ERGIC1: variants seen among roughly 807,000 people sequenced by gnomAD.
ERGIC1 encodes the protein endoplasmic reticulum-golgi intermediate compartment 1.
A neutral mutation model predicts 38.3 loss-of-function variants in ERGIC1; 19 were observed. That is an observed-to-expected ratio of 0.50 (90% CI 0.35 to 0.73). The LOEUF (loss-of-function observed/expected upper bound fraction) is 0.73, where lower values mean the gene tolerates loss of function less well. ERGIC1 is among the 30% of genes least tolerant of loss of function. The pLI, the probability that ERGIC1 is intolerant of heterozygous loss-of-function variation, is 0.01. For synonymous variants in ERGIC1, 124 were observed against 157.6 expected (o/e 0.79, Z 1.60); for missense variants, 294 against 389.2 (o/e 0.76, Z 2.06).
intron 5 of ERGIC1, among the ~76,000 whole-genome samples, chr5:172,919,044 C>T (rs1376852278): frequency 2.6e-5 from 4 of 152,180 alleles, no homozygotes; most frequent in East Asian, 1.9e-4. Flanking sequence ...ATCCACCTCA[C>T]GCCTGGCTCT....
At chr5:172,835,165 C>T (rs78276478) in intron 1 of ERGIC1, among the ~76,000 whole-genome samples, 4,514 of 152,264 alleles carry the variant, frequency 0.03, 112 homozygotes, top group African/African-American at 0.067. Context: ...AAGAGATCTC[C>T]ACCAGAGGTT....
At chr5:172,924,916 G>C (rs1763616027) in intron 6 of ERGIC1, among the ~76,000 whole-genome samples, 1 of 152,142 alleles carries the variant, frequency 6.6e-6, no homozygotes, top group African/African-American at 2.4e-5. Context: ...GGAGCTTCCA[G>C]TCTAGGGGGG....
At chr5:172,861,428 C>A (rs547123900) in intron 1 of ERGIC1, among the ~76,000 whole-genome samples, 1 of 152,324 alleles carries the variant, frequency 6.6e-6, no homozygotes, top group East Asian at 1.9e-4. Flanking sequence ...ATGGGAACCT[C>A]GGTTCCTCAG....
At chr5:172,836,535 C>T (rs539455153) in intron 1 of ERGIC1, among the ~76,000 whole-genome samples, 3 of 152,324 alleles carry the variant, frequency 2.0e-5, no homozygotes, top group South Asian at 4.1e-4. Flanking sequence ...GCCCAGCAAA[C>T]CTGCACTCTT....
chr5:172,886,921 G>A (rs1180474051), intron 1 of ERGIC1, among the ~76,000 whole-genome samples: 1 of 152,150 alleles, frequency 6.6e-6, no homozygotes, highest in Non-Finnish European at 1.5e-5. Flanking sequence ...GGACAGGTGA[G>A]TTGCAGAGAC....
At chr5:172,853,115 C>G (rs1412354908) in intron 1 of ERGIC1, among the ~76,000 whole-genome samples, 1 of 152,160 alleles carries the variant, frequency 6.6e-6, no homozygotes, top group African/African-American at 2.4e-5. Context: ...GTGTTCATGC[C>G]TTTGCTGCAG....
Position 172,837,909 on chromosome 5 carries a change from G to A in ERGIC1, c.20+3476G>A, listed in dbSNP as rs1214799689. On this transcript the variant is annotated intron_variant, in intron 1 of 9. Coordinates refer to ENST00000393784, the MANE Select transcript of ERGIC1 (RefSeq NM_001031711.3). The surrounding 1 kb of genome is among the most constrained non-coding windows in gnomAD (Gnocchi z 4.3). ...CCTTCTGCACACCAGCCCAGGGTGG[G>A]TGAGGAGGGAAGATAACAGCATCCG... Among the ~76,000 whole-genome samples the A allele has an allele frequency of 6.6e-6, 1 of 152,232 alleles. No individual in the cohort carries two copies. The highest frequency in any genetic ancestry group is 1.5e-5 in the Non-Finnish European group (1 of 68,046).
At chr5:172,841,176 G>T (rs1329230704) in intron 1 of ERGIC1, among the ~76,000 whole-genome samples, 1 of 152,128 alleles carries the variant, frequency 6.6e-6, no homozygotes, top group Non-Finnish European at 1.5e-5. Flanking sequence ...TACATTGATT[G>T]TATATGTGGG....
intron 1 of ERGIC1, among the ~76,000 whole-genome samples, chr5:172,844,756 A>T (rs1581505649): frequency 6.6e-6 from 1 of 152,076 alleles, no homozygotes; most frequent in Admixed American, 6.5e-5. Context: ...TGGGAATGGC[A>T]CCACTGGCCC....
intron 1 of ERGIC1, among the ~76,000 whole-genome samples, chr5:172,847,165 GTCC>G (rs990409098): frequency 7.9e-5 from 12 of 152,168 alleles, no homozygotes; most frequent in African/African-American, 2.9e-4. Context: ...TTCTGGCTCT[GTCC>G]TCCTCTGGGG....
At chr5:172,891,503 A>C (rs1221891530) in intron 2 of ERGIC1, among the ~76,000 whole-genome samples, 4 of 149,582 alleles carry the variant, frequency 2.7e-5, no homozygotes, top group Non-Finnish European at 5.9e-5. Context: ...CAGTGGTGGG[A>C]TCTCGGTTCA....
chr5:172,936,239 T>C (rs1763883205), intron 9 of ERGIC1: 1 of 152,212 alleles, frequency 6.6e-6, no homozygotes, highest in Admixed American at 6.5e-5. Flanking sequence ...GCCTCCAACA[T>C]TGCCAGGAGT....
Position 172,909,719 on chromosome 5 carries a change from G to A in ERGIC1, c.208G>A (p.Asp70Asn), listed in dbSNP as rs749999008. 1.2e-5 allele frequency: 19 copies of A among 1,614,056 alleles called. No homozygotes were observed. The highest frequency in any genetic ancestry group is 8.8e-5 in the South Asian group (8 of 91,082). Reference sequence around the variant, plus strand: ...AGACAAGGACAGCGGTGGCAAGATCGACGTCAGTCTGAACATCAGTTTACC... The same window carrying A: ...AGACAAGGACAGCGGTGGCAAGATCAACGTCAGTCTGAACATCAGTTTACC... ...DPDKDSGGKI[D>N]VSLNISLPNL... is the part of the protein sequence containing the mutation. The change falls in exon 4 of 10, where the codon GAC (aspartate) becomes AAC (asparagine). Residue 70 changes from aspartate (D) to asparagine (N), a missense_variant. Transcript: ENST00000393784.
intron 1 of ERGIC1, among the ~76,000 whole-genome samples, chr5:172,855,075 A>G (rs1761510917): frequency 6.6e-6 from 1 of 152,132 alleles, no homozygotes. Context: ...TCTCCTTCAG[A>G]CACCTACCTG....
chr5:172,892,947 C>A (rs546699729), intron 2 of ERGIC1, among the ~76,000 whole-genome samples: 1 of 152,218 alleles, frequency 6.6e-6, no homozygotes, highest in East Asian at 1.9e-4. Context: ...TGTCCACCTG[C>A]TGGGCTGACC....
At chr5:172,947,712 A>C (rs1011899772) in intron 9 of ERGIC1, among the ~76,000 whole-genome samples, 1 of 152,180 alleles carries the variant, frequency 6.6e-6, no homozygotes, top group Non-Finnish European at 1.5e-5. Flanking sequence ...CCAGGGCCTC[A>C]GTTTCCCCTC....
Position 172,951,398 on chromosome 5 carries a change from C to T in ERGIC1, c.*582C>T, listed in dbSNP as rs1425915271. Reference sequence around the variant, plus strand: ...GATGGAACCCTGACTTCTGCCCCATCCCTTCCTGCCCAACCTAGAACCCAG... The same window carrying T: ...GATGGAACCCTGACTTCTGCCCCATTCCTTCCTGCCCAACCTAGAACCCAG... On this transcript the variant is annotated 3_prime_UTR_variant, in exon 10 of 10. Transcript: ENST00000393784. 1 of 152,370 alleles carries T rather than the reference C, an allele frequency of 6.6e-6. No homozygotes were observed. Among genetic ancestry groups the T allele is most frequent in the African/African-American group, 2.4e-5 (1 of 41,460 alleles). The allele number at this position is 152,370 out of a possible 1,614,324, so 9.4% of individuals were successfully genotyped here.
At chr5:172,885,244 C>G (rs1023670704) in intron 1 of ERGIC1, among the ~76,000 whole-genome samples, 2 of 152,132 alleles carry the variant, frequency 1.3e-5, no homozygotes, top group African/African-American at 4.8e-5. Flanking sequence ...ATCCTCCCAC[C>G]TCAGCCTCCT....
intron 9 of ERGIC1, among the ~76,000 whole-genome samples, chr5:172,939,849 C>T (rs572955616): frequency 1.0e-3 from 158 of 152,328 alleles, no homozygotes; most frequent in African/African-American, 3.5e-3. Flanking sequence ...GTGGGGATGA[C>T]GCCAGCACTC....
Sources: gnomAD v4.1 joint callset for allele counts (sites outside exome capture counted in the v4.1 genomes callset) on GRCh38, gnomAD v4.1.1 for gene constraint, Gnocchi (gnomAD v3.1) non-coding constraint, MANE v1.5 for transcripts, NCBI Gene and HGNC (gene_info 2026-07-23, HGNC 2026-07-21) for gene names.